MLF1: variants seen among roughly 807,000 people sequenced by gnomAD.
MLF1 encodes the protein myeloid leukemia factor 1.
MLF1 carries 37 observed loss-of-function variants against 38.3 expected under a neutral mutation model. The observed-to-expected ratio is 0.96, with a 90% confidence interval of 0.74 to 1.27. The LOEUF is 1.27. MLF1 is among the 50% of genes most tolerant of loss of function. MLF1 has a pLI of 0.00. For missense variants in MLF1, 331 were observed against 349.2 expected (o/e 0.95, Z 0.42); for synonymous variants, 95 against 106.5 (o/e 0.89, Z 0.66).
At chr3:158,574,461 A>G in intron 1 of MLF1, among the ~76,000 whole-genome samples, 1 of 146,506 alleles carries the variant, frequency 6.8e-6, no homozygotes, top group East Asian at 2.0e-4. Flanking sequence ...AGAGGTCAGG[A>G]GTTGGAGACC....
rs867047596 is a variant in MLF1, at chr3:158,571,538, G to C, written c.47+191G>C. The C allele has an allele frequency of 3.4e-5, 23 of 676,406 alleles. No individual in the cohort carries two copies. The Middle Eastern group carries it at 3.9e-3, about 114-fold the overall frequency. 41.9% of individuals were successfully genotyped at this position (676,406 alleles called of 1,614,324 possible). ...GGAGGATTTAGGGGTGTGTGAGACAGGGAAGAGACGGATTTGGGCGCATGA... is the reference window on the plus strand; with the variant it reads ...GGAGGATTTAGGGGTGTGTGAGACACGGAAGAGACGGATTTGGGCGCATGA... On this transcript the variant is annotated intron_variant, in intron 1 of 7. Coordinates refer to ENST00000466246, the MANE Select transcript of MLF1 (RefSeq NM_001369783.1).
chr3:158,593,300 T>G lies in MLF1; in HGVS notation c.196-82T>G, dbSNP rs1025506144. On this transcript the variant is annotated intron_variant, in intron 2 of 7. Coordinates refer to ENST00000466246, the MANE Select transcript of MLF1 (RefSeq NM_001369783.1). ...CAATTGAAATGTAGCAATTTGAAAT[T>G]CAGTAAACATTTAATTGGTAAATTG... 3.7e-5 allele frequency: 40 copies of G among 1,092,942 alleles called. 1 individual carries two copies. In the South Asian group the frequency reaches 6.4e-4, roughly 18 times the overall value. 67.7% of individuals were successfully genotyped at this position (1,092,942 alleles called of 1,614,324 possible).
At chr3:158,597,074 C>G in intron 4 of MLF1, 129 bp downstream of exon 4, 1 of 540,730 alleles carries the variant, frequency 1.8e-6, no homozygotes, top group Non-Finnish European at 3.3e-6. Context: ...ACCCAATAAG[C>G]AATATTTGTA....
rs143354920 is a variant in MLF1, at chr3:158,590,363, C to G, written c.48-2071C>G. Among the ~76,000 whole-genome samples the G allele has an allele frequency of 3.7e-3, 561 of 152,296 alleles. 3 individuals are homozygous for G. The highest frequency in any genetic ancestry group is 0.013 in the African/African-American group (544 of 41,554). ...AAGAATGCAGTGCAACTGGAACTCT[C>G]AGTTACAGTTTTCATAAAATTTACA... On this transcript the variant is annotated intron_variant, in intron 1 of 7. Coordinates refer to ENST00000466246, the MANE Select transcript of MLF1 (RefSeq NM_001369783.1).
At chr3:158,599,197 A>G (rs1356242606) in intron 5 of MLF1, among the ~76,000 whole-genome samples, 1 of 152,142 alleles carries the variant, frequency 6.6e-6, no homozygotes, top group African/African-American at 2.4e-5. Flanking sequence ...TCACTAATTC[A>G]TCTTTATACA....
At chr3:158,600,238 A>T (rs1178401500) in intron 6 of MLF1, 65 bp downstream of exon 6, 4 of 983,060 alleles carry the variant, frequency 4.1e-6, no homozygotes, top group Admixed American at 6.8e-5. Flanking sequence ...TACTTGATGA[A>T]TTTTTTTTTA....
rs746540209 is a variant in MLF1, at chr3:158,597,835, C to T, written c.325-245C>T. Among the ~76,000 whole-genome samples the T allele has an allele frequency of 2.6e-4, 39 of 152,052 alleles. 1 individual carries two copies. The highest frequency in any genetic ancestry group is 5.9e-5 in the Non-Finnish European group (4 of 68,022). On this transcript the variant is annotated intron_variant, in intron 4 of 7. Transcript: ENST00000466246. ...GTGAGTCACTTATTAGTCTTTGTAACGAGAGTGGGATAATTGTACCTAAAA... is the reference window on the plus strand; with the variant it reads ...GTGAGTCACTTATTAGTCTTTGTAATGAGAGTGGGATAATTGTACCTAAAA...
chr3:158,590,636 A>G lies in MLF1; in HGVS notation c.48-1798A>G, dbSNP rs527305431. The G allele has an allele frequency of 2.2e-5, 8 of 364,078 alleles. 1 individual carries two copies. The highest frequency in any genetic ancestry group is 1.5e-4 in the South Asian group (7 of 46,602). 22.6% of individuals were successfully genotyped at this position (364,078 alleles called of 1,614,324 possible). A position where few individuals can be genotyped will look rare whatever the true frequency, so the allele number is the denominator to read the frequency against. On this transcript the variant is annotated intron_variant, in intron 1 of 7. Transcript: ENST00000466246. ...TGCTAAGGGAAAGAAGCTAGACACA[A>G]AAGATGACATACTATGTGATTCCAT...
chr3:158,586,478 G>T (rs1378345238), intron 1 of MLF1, among the ~76,000 whole-genome samples: 2 of 152,158 alleles, frequency 1.3e-5, no homozygotes, highest in Admixed American at 1.3e-4. Flanking sequence ...TTAGACGTAA[G>T]ATACTAAGGG....
intron 5 of MLF1, among the ~76,000 whole-genome samples, chr3:158,598,833 G>C (rs1231646951): frequency 6.6e-6 from 1 of 151,810 alleles, no homozygotes; most frequent in Non-Finnish European, 1.5e-5. Context: ...TCATTTTCAC[G>C]CATGTTTTTA....
chr3:158,582,650 C>T (rs1716578664), intron 1 of MLF1: 3 of 403,858 alleles, frequency 7.4e-6, no homozygotes, highest in Non-Finnish European at 1.3e-5. Context: ...TCTGACTTCT[C>T]TTCAGAGACC....
chr3:158,585,427 G>C (rs979644275), intron 1 of MLF1, among the ~76,000 whole-genome samples: 6 of 152,080 alleles, frequency 3.9e-5, no homozygotes, highest in African/African-American at 1.4e-4. Flanking sequence ...CATGATTCTT[G>C]TCAGTCTGCA....
intron 1 of MLF1, among the ~76,000 whole-genome samples, chr3:158,584,726 C>G (rs1050349774): frequency 6.6e-6 from 1 of 150,706 alleles, no homozygotes; most frequent in African/African-American, 2.4e-5. Flanking sequence ...TATACCCCCC[C>G]CTACCAATAG....
chr3:158,600,218 A>T, intron 6 of MLF1, 45 bp downstream of exon 6: 1 of 1,261,954 alleles, frequency 7.9e-7, no homozygotes, highest in Non-Finnish European at 1.0e-6. Context: ...TAAATTTAAA[A>T]TAACAGCCGT....
chr3:158,574,241 ATTAT>A lies in MLF1; in HGVS notation c.47+2900_47+2903del, dbSNP rs1441745629. On this transcript the variant is annotated intron_variant, in intron 1 of 7. Transcript: ENST00000466246. ...AAATGATTAAAATTTTTTTCTGAAGATTATTTATTAAGGCATACATGAACTCAGG... is the reference window on the plus strand; with the variant it reads ...AAATGATTAAAATTTTTTTCTGAAGATTATTAAGGCATACATGAACTCAGG... Among the ~76,000 whole-genome samples, 4 of 152,262 alleles carry A rather than the reference ATTAT, an allele frequency of 2.6e-5. No homozygotes were observed. In the East Asian group the frequency reaches 5.8e-4, roughly 22 times the overall value.
intron 6 of MLF1, 101 bp from the exon 7 acceptor site, chr3:158,602,706 C>G (rs1040200366): frequency 1.7e-6 from 2 of 1,155,428 alleles, no homozygotes; most frequent in East Asian, 4.9e-5. Context: ...TGAGGTTACA[C>G]TAATGAAAAC....
rs752816663 is a variant in MLF1, at chr3:158,605,856, A to C, written c.*654A>C. ...TTTATTTATAGAATGTATCTTTTCT[A>C]TATTACATTCTTAATATTCACCAGA... On this transcript the variant is annotated 3_prime_UTR_variant, in exon 8 of 8. Transcript: ENST00000466246. 5.6e-6 allele frequency: 1 copy of C among 179,714 alleles called. No homozygotes were observed. The highest frequency in any genetic ancestry group is 2.4e-5 in the African/African-American group (1 of 42,360). The allele number at this position is 179,714 out of a possible 1,614,324, so 11.1% of individuals were successfully genotyped here. A position where few individuals can be genotyped will look rare whatever the true frequency, so the allele number is the denominator to read the frequency against.
chr3:158,585,750 AG>A (rs1463240839), intron 1 of MLF1, among the ~76,000 whole-genome samples: 1 of 152,252 alleles, frequency 6.6e-6, no homozygotes, highest in Non-Finnish European at 1.5e-5. Context: ...CTTTAAAAAA[AG>A]TTTGACAAAG....
chr3:158,575,930 T>G (rs1334192892), intron 1 of MLF1, among the ~76,000 whole-genome samples: 1 of 152,114 alleles, frequency 6.6e-6, no homozygotes, highest in East Asian at 1.9e-4. Flanking sequence ...TATTCAAAAA[T>G]GGACAAAAAT....
Sources: gnomAD v4.1 joint callset for allele counts (sites outside exome capture counted in the v4.1 genomes callset) on GRCh38, gnomAD v4.1.1 for gene constraint, MANE v1.5 for transcripts, NCBI Gene and HGNC (gene_info 2026-07-23, HGNC 2026-07-21) for gene names.